Variants in DLGAP1 observed in about 807,000 individuals in gnomAD.
The protein encoded by DLGAP1 is DLG associated protein 1.
DLGAP1 carries 11 observed loss-of-function variants against 90.8 expected under a neutral mutation model. The observed-to-expected ratio is 0.12, with a 90% CI of 0.08 to 0.20. The LOEUF (loss-of-function observed/expected upper bound fraction) is 0.20, where lower values mean the gene tolerates loss of function less well. DLGAP1 is among the 10% of genes least tolerant of loss of function. The pLI, the probability that DLGAP1 is intolerant of heterozygous loss-of-function variation, is 1.00. For synonymous variants in DLGAP1, 558 were observed against 540.7 expected, an observed-to-expected ratio of 1.03 and a Z score of -0.44; for missense variants, 1,050 against 1,333.8, an observed-to-expected ratio of 0.79 and a Z score of 3.31.
intron 3 of DLGAP1, among the ~76,000 whole-genome samples, chr18:3,901,173 G>A (rs2071774565): frequency 6.6e-6 from 1 of 151,998 alleles, no homozygotes; most frequent in Admixed American, 6.6e-5. Flanking sequence ...TGTTCTTTAC[G>A]ACTTTGAGGA....
At chr18:4,274,194 G>T (rs2079355198) in intron 1 of DLGAP1, among the ~76,000 whole-genome samples, 1 of 151,590 alleles carries the variant, frequency 6.6e-6, no homozygotes, top group Admixed American at 6.6e-5. Context: ...CATTCCATAA[G>T]TCTTACTATG....
At chr18:4,137,144 T>C (rs796291889) in intron 2 of DLGAP1, among the ~76,000 whole-genome samples, 13 of 152,188 alleles carry the variant, frequency 8.5e-5, no homozygotes, top group African/African-American at 2.4e-4. Context: ...AGTGAGAACA[T>C]GCGGTGTTTG....
chr18:3,508,819 T>C (rs2050379910), intron 10 of DLGAP1, among the ~76,000 whole-genome samples, 158 bp from the exon 11 acceptor site: 1 of 152,136 alleles, frequency 6.6e-6, no homozygotes, highest in African/African-American at 2.4e-5. Context: ...ATCACTGTTG[T>C]CACCCTGTTG....
intron 7 of DLGAP1, chr18:3,654,122 A>C (rs766328148): frequency 6.6e-6 from 1 of 152,224 alleles, no homozygotes; most frequent in South Asian, 2.1e-4. Context: ...AGCCTCAGAC[A>C]ATAAGCTGCC....
At chr18:3,980,782 C>A (rs2149029775) in intron 3 of DLGAP1, among the ~76,000 whole-genome samples, 1 of 152,112 alleles carries the variant, frequency 6.6e-6, no homozygotes, top group East Asian at 1.9e-4. Flanking sequence ...TTGTGGTATA[C>A]AACATGATGT....
At position 4,265,134 on chromosome 18, in the gene DLGAP1, T is replaced by TTCCTTCCTTCCTTCCTTC. The variant is rs61084906; in HGVS notation, c.-266-113848_-266-113847insGAAGGAAGGAAGGAAGGA. Among the ~76,000 whole-genome samples, 321 of 140,212 alleles carry TTCCTTCCTTCCTTCCTTC rather than the reference T, an allele frequency of 2.3e-3. 6 individuals carry two copies. Among genetic ancestry groups the TTCCTTCCTTCCTTCCTTC allele is most frequent in the African/African-American group, 8.3e-3 (281 of 33,988 alleles). 92.0% of individuals were successfully genotyped at this position (140,212 alleles called of 152,430 possible). On this transcript the variant is annotated intron_variant, in intron 1 of 12. Transcript: ENST00000315677. Reference sequence around the variant, plus strand: ...TCCTTCCTTCCTTCCTTCCTTCCTTTCCTCCCTCCCTCCCATCCTCTCTTC... The same window carrying TTCCTTCCTTCCTTCCTTC: ...TCCTTCCTTCCTTCCTTCCTTCCTTTTCCTTCCTTCCTTCCTTCCCTCCCTCCCTCCCATCCTCTCTTC...
chr18:4,229,887 A>C (rs973694064), intron 1 of DLGAP1, among the ~76,000 whole-genome samples: 1 of 152,126 alleles, frequency 6.6e-6, no homozygotes, highest in Admixed American at 6.6e-5. Flanking sequence ...CAAACTGCCC[A>C]TCTGAGAAGA....
At chr18:3,814,518 C>T (rs996445546) in intron 4 of DLGAP1, among the ~76,000 whole-genome samples, 2 of 151,888 alleles carry the variant, frequency 1.3e-5, no homozygotes, top group Admixed American at 6.6e-5. Context: ...CCTGCCACCA[C>T]GCCTGGCTAA....
intron 7 of DLGAP1, among the ~76,000 whole-genome samples, chr18:3,657,407 C>G (rs1338583046): frequency 6.6e-6 from 1 of 152,100 alleles, no homozygotes; most frequent in East Asian, 1.9e-4. Context: ...TTCATCTTTC[C>G]TGCATAACCA....
In DLGAP1 at chr18:4,311,948, T is replaced by C. The variant is rs1214150250; in HGVS notation, c.-267+143058A>G. Among the ~76,000 whole-genome samples, 5 of 152,194 alleles carry C rather than the reference T, an allele frequency of 3.3e-5. No individual in the cohort carries two copies. The South Asian group carries it at 1.0e-3, about 31-fold the overall frequency. The stretch of plus-strand genomic sequence containing the variant: ...CCAGGCTGGTCTCGAACTCCTGACC[T>C]CAAGTGATCCGCCAGCCTTGGCCTC... On this transcript the variant is annotated intron_variant, in intron 1 of 12. Transcript: ENST00000315677.
At chr18:3,934,210 C>T (rs1041891351) in intron 3 of DLGAP1, among the ~76,000 whole-genome samples, 4 of 152,152 alleles carry the variant, frequency 2.6e-5, no homozygotes, top group Non-Finnish European at 2.9e-5. Flanking sequence ...ACCACAGCCA[C>T]GACACTGTAA....
intron 5 of DLGAP1, among the ~76,000 whole-genome samples, chr18:3,809,857 G>C (rs145884769): frequency 2.6e-5 from 4 of 152,074 alleles, no homozygotes; most frequent in Non-Finnish European, 5.9e-5. Flanking sequence ...ACTAATCATG[G>C]TAGCAGGCAG....
intron 5 of DLGAP1, among the ~76,000 whole-genome samples, chr18:3,793,549 G>A (rs563867345): frequency 5.3e-5 from 8 of 152,156 alleles, no homozygotes; most frequent in African/African-American, 1.9e-4. Context: ...TTAAAGTGCT[G>A]GTCCTCCACC....
chr18:3,540,414 A>G (rs7244817), intron 9 of DLGAP1, among the ~76,000 whole-genome samples: 4,562 of 145,946 alleles, frequency 0.031, 192 homozygotes, highest in African/African-American at 0.092. Flanking sequence ...AGGCTGCAGT[A>G]AGCCGAGATT....
intron 5 of DLGAP1, among the ~76,000 whole-genome samples, chr18:3,809,166 A>G (rs2066706807): frequency 6.6e-6 from 1 of 152,062 alleles, no homozygotes; most frequent in Non-Finnish European, 1.5e-5. Context: ...TCTGTTCTCA[A>G]TGGGTAGGGT....
chr18:3,613,216 A>ATG (rs2057713328), intron 7 of DLGAP1, among the ~76,000 whole-genome samples: 1 of 152,212 alleles, frequency 6.6e-6, no homozygotes, highest in African/African-American at 2.4e-5. Context: ...TTCAGGTTAC[A>ATG]TGAATTGTTG....
chr18:3,613,620 G>A (rs572276730), intron 7 of DLGAP1, among the ~76,000 whole-genome samples: 10 of 152,326 alleles, frequency 6.6e-5, no homozygotes, highest in South Asian at 6.2e-4. Context: ...ACAGGCATGA[G>A]CCTGGCTAGG....
chr18:4,403,148 A>G (rs994890022), intron 1 of DLGAP1, among the ~76,000 whole-genome samples: 10 of 152,144 alleles, frequency 6.6e-5, no homozygotes, highest in African/African-American at 2.2e-4. Context: ...TTTAAAGTTG[A>G]TATGTTATAG....
intron 1 of DLGAP1, among the ~76,000 whole-genome samples, chr18:4,270,322 G>C (rs554300386): frequency 6.6e-6 from 1 of 152,148 alleles, no homozygotes; most frequent in Admixed American, 6.5e-5. Flanking sequence ...TCTTCCTCTG[G>C]GGACAACCTA....
Sources: gnomAD v4.1 joint callset for allele counts (sites outside exome capture counted in the v4.1 genomes callset) on GRCh38, gnomAD v4.1.1 for gene constraint, MANE v1.5 for transcripts, NCBI Gene and HGNC (gene_info 2026-07-23, HGNC 2026-07-21) for gene names.